Variants in ANKRD46 observed in about 807,000 individuals in gnomAD.
ANKRD46 encodes ankyrin repeat domain-containing protein 46.
Under a neutral mutation model 19.8 loss-of-function variants are expected in ANKRD46, and 13 were observed. That is an observed-to-expected ratio of 0.66 (90% CI 0.43 to 1.04). The LOEUF is 1.04. Among genes scored for constraint, ANKRD46 ranks in the 50% least tolerant of loss-of-function variants. The pLI, the probability that ANKRD46 is intolerant of heterozygous loss-of-function variation, is 0.00. For missense variants in ANKRD46, 185 were observed against 274.8 expected (o/e 0.67, Z 2.31); for synonymous variants, 91 against 106.9 (o/e 0.85, Z 0.92).
chr8:100,511,515 G>T lies in ANKRD46; in HGVS notation c.637-876C>A, dbSNP rs560345600. On this transcript the variant is annotated intron_variant, in intron 5 of 5. Coordinates refer to the ANKRD46 transcript ENST00000520552. The surrounding 1 kb of genome is among the most constrained non-coding windows in gnomAD (Gnocchi z 4.1). ...ATCTCATCCTTTCACATCTATTCTT[G>T]TAACTCAGAAGCACTGTGTTTCTCA... 6.6e-6 allele frequency among the ~76,000 whole-genome samples: 1 copy of T among 152,040 alleles called. No homozygotes were observed. The highest frequency in any genetic ancestry group is 6.6e-5 in the Admixed American group (1 of 15,266).
chr8:100,555,762 A>T (rs1812486857), intron 1 of ANKRD46, among the ~76,000 whole-genome samples: 1 of 123,798 alleles, frequency 8.1e-6, no homozygotes, highest in Non-Finnish European at 1.7e-5. Flanking sequence ...AAAAAAAAAA[A>T]GATTTCCACA....
chr8:100,512,808 TG>T (rs1391118663), intron 5 of ANKRD46, among the ~76,000 whole-genome samples: 3 of 152,226 alleles, frequency 2.0e-5, no homozygotes, highest in Non-Finnish European at 2.9e-5. Context: ...TCCTCTTGAG[TG>T]TCACAGGATG....
chr8:100,523,334 C>G (rs1042566783), intron 4 of ANKRD46, among the ~76,000 whole-genome samples: 4 of 151,530 alleles, frequency 2.6e-5, no homozygotes, highest in African/African-American at 9.7e-5. Flanking sequence ...GGTGATGACA[C>G]CTGAAGAGGA....
In ANKRD46 at chr8:100,545,515, T is replaced by C. The variant is rs1221884293; in HGVS notation, c.-130-12204A>G. 6.6e-6 allele frequency among the ~76,000 whole-genome samples: 1 copy of C among 152,160 alleles called. No individual in the cohort carries two copies. The highest frequency in any genetic ancestry group is 1.5e-5 in the Non-Finnish European group (1 of 68,020). Reference sequence around the variant, plus strand: ...AAGTTCCTTGAAGCCTCCCCAGCCATGTGGAACTGTGTATCAATTAAACCT... The same window carrying C: ...AAGTTCCTTGAAGCCTCCCCAGCCACGTGGAACTGTGTATCAATTAAACCT... On this transcript the variant is annotated intron_variant, in intron 1 of 4. Transcript: ENST00000335659. The surrounding 1 kb of genome is among the most constrained non-coding windows in gnomAD (Gnocchi z 4.7).
downstream of ANKRD46, among the ~76,000 whole-genome samples, chr8:100,518,407 A>C (rs924231545): frequency 3.3e-5 from 5 of 152,246 alleles, no homozygotes; most frequent in Admixed American, 3.3e-4. Flanking sequence ...TAATAGAATT[A>C]TGTTGATGAC....
intron 1 of ANKRD46, among the ~76,000 whole-genome samples, chr8:100,541,752 T>C (rs765984985): frequency 9.3e-4 from 141 of 152,336 alleles, no homozygotes; most frequent in Non-Finnish European, 1.5e-3. Context: ...AATGCAGTCA[T>C]ACACTGCATA....
In ANKRD46 at chr8:100,546,361, G is replaced by A. The variant is rs775148678; in HGVS notation, c.-130-13050C>T. 1.3e-5 allele frequency among the ~76,000 whole-genome samples: 2 copies of A among 152,242 alleles called. No homozygotes were observed. Among genetic ancestry groups the A allele is most frequent in the African/African-American group, 2.4e-5 (1 of 41,460 alleles). ...TGGTGTCCAGTGTCCCAGCCACTCCGGCTCCAGCCATGGCTAAAAGGGGCC... is the reference window on the plus strand; with the variant it reads ...TGGTGTCCAGTGTCCCAGCCACTCCAGCTCCAGCCATGGCTAAAAGGGGCC... On this transcript the variant is annotated intron_variant, in intron 1 of 4. Transcript: ENST00000335659. The surrounding 1 kb of genome is among the most constrained non-coding windows in gnomAD (Gnocchi z 4.0).
chr8:100,528,244 GCA>G (rs1811882762), intron 3 of ANKRD46, among the ~76,000 whole-genome samples: 1 of 152,104 alleles, frequency 6.6e-6, no homozygotes, highest in Admixed American at 6.6e-5. Flanking sequence ...TGGGATTTTT[GCA>G]CAGTTCATCA....
Position 100,525,150 on chromosome 8 carries a change from T to G in ANKRD46, c.471-2379A>C, listed in dbSNP as rs1388460668. 6.6e-6 allele frequency among the ~76,000 whole-genome samples: 1 copy of G among 152,202 alleles called. No homozygotes were observed. Among genetic ancestry groups the G allele is most frequent in the East Asian group, 1.9e-4 (1 of 5,202 alleles). On this transcript the variant is annotated intron_variant, in intron 4 of 4. Transcript: ENST00000335659. This position sits in a 1 kb window ranked among gnomAD's most constrained non-coding sequence, Gnocchi z 4.4. ...ATGGAAAATATTATAGTAAATACATTTAAAACCCTGCTTTATCTTCTGCTC... is the reference window on the plus strand; with the variant it reads ...ATGGAAAATATTATAGTAAATACATGTAAAACCCTGCTTTATCTTCTGCTC...
rs1220027029 is a variant in ANKRD46, at chr8:100,537,881, A to G, written c.-130-4570T>C. Among the ~76,000 whole-genome samples, 1 of 152,204 alleles carries G rather than the reference A, an allele frequency of 6.6e-6. No individual in the cohort carries two copies. Among genetic ancestry groups the G allele is most frequent in the Admixed American group, 6.5e-5 (1 of 15,276 alleles). On this transcript the variant is annotated intron_variant, in intron 1 of 4. Transcript: ENST00000335659. The surrounding 1 kb of genome is among the most constrained non-coding windows in gnomAD (Gnocchi z 4.2). Reference sequence around the variant, plus strand: ...CTAGGGCCATACTGCTTTAAGTGGCAGGGTGGGGCTTCATATTTAGCTTAT... The same window carrying G: ...CTAGGGCCATACTGCTTTAAGTGGCGGGGTGGGGCTTCATATTTAGCTTAT...
At chr8:100,513,247 A>G (rs1811577282) in intron 5 of ANKRD46, among the ~76,000 whole-genome samples, 1 of 152,196 alleles carries the variant, frequency 6.6e-6, no homozygotes, top group African/African-American at 2.4e-5. Flanking sequence ...CATGGACGGC[A>G]TAATAGTTGA....
At position 100,545,624 on chromosome 8, in the gene ANKRD46, AG is replaced by A. The variant is rs1228049724; in HGVS notation, c.-130-12314del. On this transcript the variant is annotated intron_variant, in intron 1 of 4. Coordinates refer to ENST00000335659, the MANE Select transcript of ANKRD46 (RefSeq NM_001270377.2). The surrounding 1 kb of genome is among the most constrained non-coding windows in gnomAD (Gnocchi z 4.7). ...AATACAGAGAATTAGTACCAGGAGT[AG>A]GGCACTGCTATAAAAATAACCTGAA... Among the ~76,000 whole-genome samples the A allele has an allele frequency of 6.6e-6, 1 of 152,204 alleles. No individual in the cohort carries two copies. The highest frequency in any genetic ancestry group is 1.5e-5 in the Non-Finnish European group (1 of 68,032).
At chr8:100,551,558 T>C (rs1239900745) in intron 1 of ANKRD46, 20 of 760,730 alleles carry the variant, frequency 2.6e-5, no homozygotes, top group South Asian at 5.3e-5. Flanking sequence ...GAATTTGCCA[T>C]GGGTAGAAAT....
At chr8:100,517,817 C>T (rs1359853303), downstream of ANKRD46, among the ~76,000 whole-genome samples, 1 of 152,184 alleles carries the variant, frequency 6.6e-6, no homozygotes, top group Non-Finnish European at 1.5e-5. Flanking sequence ...CTCATTTTCC[C>T]CAAATGTTCT....
At position 100,536,953 on chromosome 8, in the gene ANKRD46, T is replaced by C. The variant is rs991742629; in HGVS notation, c.-130-3642A>G. 1.3e-5 allele frequency among the ~76,000 whole-genome samples: 2 copies of C among 152,224 alleles called. No homozygotes were observed. The highest frequency in any genetic ancestry group is 2.9e-5 in the Non-Finnish European group (2 of 68,048). ...TATCCTTTCACATGACGCAGTCACT[T>C]AGATCGCGGCAACAAGAGCTTCTTA... On this transcript the variant is annotated intron_variant, in intron 1 of 4. Transcript: ENST00000335659. The surrounding 1 kb of genome is among the most constrained non-coding windows in gnomAD (Gnocchi z 4.9).
rs1159539130 is a variant in ANKRD46, at chr8:100,546,801, T to C, written c.-131+12910A>G. Among the ~76,000 whole-genome samples, 1 of 152,216 alleles carries C rather than the reference T, an allele frequency of 6.6e-6. No individual in the cohort carries two copies. Among genetic ancestry groups the C allele is most frequent in the East Asian group, 1.9e-4 (1 of 5,192 alleles). On this transcript the variant is annotated intron_variant, in intron 1 of 4. Transcript: ENST00000335659. This position sits in a 1 kb window ranked among gnomAD's most constrained non-coding sequence, Gnocchi z 4.0. Reference sequence around the variant, plus strand: ...ACAGGGACAAAGCTGCTCAAGGCCGTGGGAGCACACCCCTTGCATCAGCAT... The same window carrying C: ...ACAGGGACAAAGCTGCTCAAGGCCGCGGGAGCACACCCCTTGCATCAGCAT...
In ANKRD46 at chr8:100,521,699, T is replaced by A; in HGVS notation, c.*856A>T. ...AACACAGCTAGCTTATAGAACTGAG[T>A]TTTTCACTATAATAGCACTACAGAA... On this transcript the variant is annotated 3_prime_UTR_variant, in exon 5 of 5. Coordinates refer to ENST00000335659, the MANE Select transcript of ANKRD46 (RefSeq NM_001270377.2). 1 of 985,256 alleles carries A rather than the reference T, an allele frequency of 1.0e-6. No individual in the cohort carries two copies. The highest frequency in any genetic ancestry group is 4.7e-5 in the South Asian group (1 of 21,272). 61.0% of individuals were successfully genotyped at this position (985,256 alleles called of 1,614,324 possible).
chr8:100,541,759 C>T (rs569329840), intron 1 of ANKRD46, among the ~76,000 whole-genome samples: 1 of 152,196 alleles, frequency 6.6e-6, no homozygotes, highest in Non-Finnish European at 1.5e-5. Context: ...TCATACACTG[C>T]ATAATGACAT....
At position 100,543,510 on chromosome 8, in the gene ANKRD46, A is replaced by G. The variant is rs1812215255; in HGVS notation, c.-130-10199T>C. On this transcript the variant is annotated intron_variant, in intron 1 of 4. Transcript: ENST00000335659. The surrounding 1 kb of genome is among the most constrained non-coding windows in gnomAD (Gnocchi z 4.2). ...ACAACTGCTAAACTTTCGTCCTTGTACTCAAGAGAACTACAGTGTTAAACA... is the reference window on the plus strand; with the variant it reads ...ACAACTGCTAAACTTTCGTCCTTGTGCTCAAGAGAACTACAGTGTTAAACA... Among the ~76,000 whole-genome samples, 1 of 152,224 alleles carries G rather than the reference A, an allele frequency of 6.6e-6. No individual in the cohort carries two copies. Among genetic ancestry groups the G allele is most frequent in the South Asian group, 2.1e-4 (1 of 4,834 alleles).
Sources: gnomAD v4.1 joint callset for allele counts (sites outside exome capture counted in the v4.1 genomes callset) on GRCh38, gnomAD v4.1.1 for gene constraint, Gnocchi (gnomAD v3.1) non-coding constraint, MANE v1.5 for transcripts, NCBI Gene and HGNC (gene_info 2026-07-23, HGNC 2026-07-21) for gene names.